The following SMYD3 variants were observed in gnomAD, a reference collection of about 807,000 sequenced individuals.
The protein encoded by SMYD3 is histone-lysine N-methyltransferase SMYD3.
In SMYD3, 36 loss-of-function variants were observed where a neutral mutation model predicts 57.7. That is an observed-to-expected ratio of 0.62 (90% CI 0.48 to 0.82). SMYD3 has a LOEUF of 0.82. Among genes scored for constraint, SMYD3 ranks in the 40% least tolerant of loss-of-function variants. The pLI, the probability that SMYD3 is intolerant of heterozygous loss-of-function variation, is 0.00. For missense variants in SMYD3, 515 were observed against 538.8 expected (o/e 0.96, Z 0.44); for synonymous variants, 211 against 195.0 (o/e 1.08, Z -0.68).
chr1:246,160,507 G>A lies in SMYD3; in HGVS notation c.531+166694C>T, dbSNP rs138379670. Among the ~76,000 whole-genome samples, 979 of 152,288 alleles carry A rather than the reference G, an allele frequency of 6.4e-3. 8 individuals are homozygous for A. The highest frequency in any genetic ancestry group is 0.02 in the Middle Eastern group (6 of 294). ...AGTTCCTCGGTGCTGAAACATTAAT[G>A]AGCTTCTGAATGTGCAAAGGTGGGC... is the stretch of plus-strand genomic sequence containing the variant. On this transcript the variant is annotated intron_variant, in intron 5 of 11. Coordinates refer to ENST00000490107, the MANE Select transcript of SMYD3 (RefSeq NM_001167740.2).
chr1:245,915,887 T>C (rs558077749), intron 7 of SMYD3, among the ~76,000 whole-genome samples: 2 of 152,354 alleles, frequency 1.3e-5, no homozygotes, highest in African/African-American at 2.4e-5. Context: ...ACGGGTCTTA[T>C]GATCTCTACC....
Position 245,976,789 on chromosome 1 carries a change from C to CAGGGAAAGCCATCGTCTCTAGCCT in SMYD3, c.532-46876_532-46853dup, listed in dbSNP as rs1398897767. Among the ~76,000 whole-genome samples, 2 of 6,938 alleles carry CAGGGAAAGCCATCGTCTCTAGCCT rather than the reference C, an allele frequency of 2.9e-4. 1 individual carries two copies. Among genetic ancestry groups the CAGGGAAAGCCATCGTCTCTAGCCT allele is most frequent in the African/African-American group, 1.4e-3 (2 of 1,436 alleles). The allele number at this position is 6,938 out of a possible 152,430, so 4.6% of individuals were successfully genotyped here. The stretch of plus-strand genomic sequence containing the variant: ...CTAGGGAAAGCCATCGTCTCTAGCC[C>CAGGGAAAGCCATCGTCTCTAGCCT]AGGGAAAGCCATCGTCTCTAGCCTA... On this transcript the variant is annotated intron_variant, in intron 5 of 11. Transcript: ENST00000490107.
chr1:245,957,295 T>A (rs567662290), intron 5 of SMYD3, among the ~76,000 whole-genome samples: 1 of 152,212 alleles, frequency 6.6e-6, no homozygotes, highest in Non-Finnish European at 1.5e-5. Context: ...TGACACACAA[T>A]AGAAGTAAAA....
chr1:246,324,599 C>T (rs2148656500), intron 5 of SMYD3, among the ~76,000 whole-genome samples: 2 of 151,902 alleles, frequency 1.3e-5, no homozygotes, highest in Middle Eastern at 3.4e-3. Flanking sequence ...CAGCAGCTTC[C>T]TCTGTATGTA....
At chr1:246,506,978 G>GCCCCCCCCACCCCCCCCCCCCCCC in intron 1 of SMYD3, 76 bp downstream of exon 1, 2 of 1,174,514 alleles carry the variant, frequency 1.7e-6, no homozygotes, top group Non-Finnish European at 2.2e-6. Flanking sequence ...CGCGGCTGCC[G>GCCCCCCCCACCCCCCCCCCCCCCC]GCCGCCCGAC....
chr1:246,339,395 TTAA>T (rs2065595871), intron 2 of SMYD3, among the ~76,000 whole-genome samples: 1 of 152,230 alleles, frequency 6.6e-6, no homozygotes, highest in Non-Finnish European at 1.5e-5. Context: ...TGGCATTATA[TTAA>T]TGTTTTGAAA....
chr1:246,390,292 A>G (rs1475906096), intron 1 of SMYD3, among the ~76,000 whole-genome samples: 1 of 151,762 alleles, frequency 6.6e-6, no homozygotes, highest in Non-Finnish European at 1.5e-5. Flanking sequence ...GTAGGTAAAT[A>G]TAAAAGCCTG....
chr1:246,238,382 T>G (rs2063545434), intron 5 of SMYD3, among the ~76,000 whole-genome samples: 1 of 152,190 alleles, frequency 6.6e-6, no homozygotes, highest in Non-Finnish European at 1.5e-5. Context: ...GTTACAGCAT[T>G]ATTTTACACT....
At chr1:245,955,962 T>C (rs1375913446) in intron 5 of SMYD3, 24 of 985,168 alleles carry the variant, frequency 2.4e-5, no homozygotes, top group Non-Finnish European at 2.9e-5. Context: ...ACAGACCTCT[T>C]GATGTGTCTT....
At chr1:246,326,306 G>A (rs374348919) in intron 5 of SMYD3, 10 of 647,564 alleles carry the variant, frequency 1.5e-5, no homozygotes, top group African/African-American at 3.7e-5. Flanking sequence ...GTGAGAAAGC[G>A]AGGACAGCAG....
intron 1 of SMYD3, among the ~76,000 whole-genome samples, chr1:246,363,275 C>A (rs1381062336): frequency 2.0e-5 from 3 of 151,704 alleles, no homozygotes. Context: ...GCCAGGCCAG[C>A]CGCCCCGTCC....
intron 5 of SMYD3, among the ~76,000 whole-genome samples, chr1:246,076,745 GA>G (rs1033742696): frequency 2.7e-5 from 4 of 148,768 alleles, no homozygotes; most frequent in Non-Finnish European, 4.5e-5. Flanking sequence ...CAAAAAAAAT[GA>G]AAAAAAATGC....
chr1:245,867,015 C>T lies in SMYD3; in HGVS notation c.814-3129G>A, dbSNP rs539895809. Reference sequence around the variant, plus strand: ...AATGGATCCCCAAAGATGTCCACATCCTGCTCTCCAAACCTGTGAATATGT... The same window carrying T: ...AATGGATCCCCAAAGATGTCCACATTCTGCTCTCCAAACCTGTGAATATGT... On this transcript the variant is annotated intron_variant, in intron 8 of 11. Coordinates refer to ENST00000490107, the MANE Select transcript of SMYD3 (RefSeq NM_001167740.2). Among the ~76,000 whole-genome samples the T allele has an allele frequency of 2.0e-5, 3 of 152,360 alleles. No homozygotes were observed. The South Asian group carries it at 6.2e-4, about 32-fold the overall frequency.
At chr1:246,506,354 AAG>A (rs2103082474) in intron 1 of SMYD3, among the ~76,000 whole-genome samples, 1 of 152,322 alleles carries the variant, frequency 6.6e-6, no homozygotes, top group South Asian at 2.1e-4. Context: ...AATGGTGGTT[AAG>A]AGTTAGACAT....
intron 5 of SMYD3, among the ~76,000 whole-genome samples, chr1:246,081,847 C>A (rs2060642501): frequency 1.3e-5 from 2 of 152,272 alleles, no homozygotes; most frequent in South Asian, 4.1e-4. Flanking sequence ...TTGCTTGAGG[C>A]CTGGATTAAC....
At chr1:245,988,006 G>C (rs2058736895) in intron 5 of SMYD3, among the ~76,000 whole-genome samples, 1 of 152,178 alleles carries the variant, frequency 6.6e-6, no homozygotes. Context: ...GCTCTGCTGG[G>C]TTTGAGAATC....
chr1:246,341,461 C>T (rs998378059), intron 2 of SMYD3, among the ~76,000 whole-genome samples: 2 of 152,116 alleles, frequency 1.3e-5, no homozygotes, highest in African/African-American at 4.8e-5. Flanking sequence ...CAATTAAGTA[C>T]ACCTTGCATG....
At chr1:246,335,564 A>C (rs10159376) in intron 2 of SMYD3, 90 bp from the exon 3 acceptor site, 573,276 of 953,518 alleles carry the variant, frequency 0.6, 178,953 homozygotes, top group Middle Eastern at 0.68. Context: ...ATAAACATTA[A>C]ATTTTAATAG....
chr1:245,842,700 T>C (rs2050465822), intron 10 of SMYD3, among the ~76,000 whole-genome samples: 1 of 152,194 alleles, frequency 6.6e-6, no homozygotes, highest in Admixed American at 6.5e-5. Flanking sequence ...CCACGTTTTA[T>C]ATTAATTTTT....
Sources: allele counts gnomAD v4.1 joint callset (sites outside exome capture counted in the v4.1 genomes callset), GRCh38; gene constraint gnomAD v4.1.1; transcripts MANE v1.5; gene names NCBI Gene and HGNC (gene_info 2026-07-23, HGNC 2026-07-21).